The following IQSEC1 variants were observed in gnomAD, a reference collection of about 807,000 sequenced individuals.
IQSEC1 encodes IQ motif and SEC7 domain-containing protein 1.
In IQSEC1, 31 loss-of-function variants were observed where a neutral mutation model predicts 91.0. That is an observed-to-expected ratio of 0.34 (90% confidence interval 0.26 to 0.46). The LOEUF is 0.46. Ranked by LOEUF, IQSEC1 falls within the 20% of genes least tolerant of loss-of-function variation. IQSEC1 has a pLI of 1.00. For missense variants in IQSEC1, 1,388 were observed against 1,575.6 expected (o/e 0.88, Z 2.02); for synonymous variants, 699 against 662.6 (o/e 1.05, Z -0.84).
intron 1 of IQSEC1, among the ~76,000 whole-genome samples, chr3:13,262,116 A>C (rs67087472): frequency 0.095 from 14,435 of 152,164 alleles, 1,475 homozygotes; most frequent in African/African-American, 0.26. Flanking sequence ...CTGGATGCTC[A>C]AGAGTCATGA....
intron 1 of IQSEC1, among the ~76,000 whole-genome samples, chr3:13,054,810 G>A (rs1213781118): frequency 1.3e-5 from 2 of 152,222 alleles, no homozygotes; most frequent in Non-Finnish European, 2.9e-5. Flanking sequence ...CAGGAGCCAC[G>A]GCAGGGCACT....
intron 1 of IQSEC1, among the ~76,000 whole-genome samples, chr3:13,166,772 G>T (rs1693505337): frequency 6.6e-6 from 1 of 152,200 alleles, no homozygotes; most frequent in African/African-American, 2.4e-5. Context: ...GCCCAGCTTG[G>T]GGCCTGGCAC....
intron 1 of IQSEC1, among the ~76,000 whole-genome samples, chr3:13,058,765 T>C (rs1385769407): frequency 1.3e-5 from 2 of 152,126 alleles, no homozygotes; most frequent in African/African-American, 4.8e-5. Context: ...TGTGGGGGCT[T>C]CTATTTTAGG....
chr3:13,148,573 G>A (rs1020318958), intron 2 of IQSEC1, among the ~76,000 whole-genome samples: 14 of 152,238 alleles, frequency 9.2e-5, no homozygotes, highest in Non-Finnish European at 2.1e-4. Flanking sequence ...TTTTTGGTAT[G>A]AAATGGGATT....
chr3:13,007,531 C>T lies in IQSEC1; in HGVS notation c.23+65461G>A, dbSNP rs149324680. Among the ~76,000 whole-genome samples, 12 of 152,322 alleles carry T rather than the reference C, an allele frequency of 7.9e-5. No individual in the cohort carries two copies. The East Asian group carries it at 1.9e-3, about 24-fold the overall frequency. On this transcript the variant is annotated intron_variant, in intron 1 of 13. Coordinates refer to ENST00000613206, the MANE Select transcript of IQSEC1 (RefSeq NM_001134382.3). ...CTTTCTGGCTGGCAAGGAACTTGCG[C>T]GAGTCACTTGGCTTGCCTCAGTTTC...
At chr3:13,022,726 AG>A (rs1209988574) in intron 1 of IQSEC1, 2 of 152,626 alleles carry the variant, frequency 1.3e-5, no homozygotes, top group East Asian at 1.9e-4. Context: ...GGGTGGAGGA[AG>A]GGGCTGCTCT....
intron 1 of IQSEC1, among the ~76,000 whole-genome samples, chr3:13,178,901 A>G (rs1000209475): frequency 3.9e-5 from 6 of 152,170 alleles, no homozygotes; most frequent in African/African-American, 7.2e-5. Flanking sequence ...GTTTTATCTG[A>G]ATTCCTTCCT....
intron 6 of IQSEC1, among the ~76,000 whole-genome samples, chr3:12,919,136 C>T (rs558568407): frequency 7.9e-4 from 121 of 152,300 alleles, no homozygotes; most frequent in Admixed American, 1.8e-3. Flanking sequence ...TGCTTGGACA[C>T]CTGGGCCTGG....
chr3:13,241,968 T>A (rs889913518), intron 1 of IQSEC1, among the ~76,000 whole-genome samples: 1 of 152,196 alleles, frequency 6.6e-6, no homozygotes, highest in African/African-American at 2.4e-5. Flanking sequence ...CACTTAGAAA[T>A]GGCTAAGATG....
intron 1 of IQSEC1, among the ~76,000 whole-genome samples, chr3:13,071,170 T>G (rs1705412986): frequency 1.4e-5 from 2 of 147,418 alleles, no homozygotes; most frequent in African/African-American, 5.0e-5. Flanking sequence ...TTTTTTTGTT[T>G]GTTTCTTTAA....
At chr3:13,023,899 C>T (rs1269713668) in intron 1 of IQSEC1, among the ~76,000 whole-genome samples, 1 of 152,170 alleles carries the variant, frequency 6.6e-6, no homozygotes, top group Non-Finnish European at 1.5e-5. Context: ...GCGGGAGTGG[C>T]TGCCCAGCCT....
chr3:13,213,729 TG>T (rs944127844), intron 1 of IQSEC1, among the ~76,000 whole-genome samples: 2 of 152,026 alleles, frequency 1.3e-5, no homozygotes, highest in African/African-American at 4.8e-5. Context: ...CCAGTGTGAG[TG>T]GGTCCCAGGG....
Position 12,900,628 on chromosome 3 carries a change from T to G in IQSEC1, c.*355A>C. ...GTATCTCATTTCTTCGTTTTCTAGG[T>G]TGGGTTTTCATATGCATGTACATTA... On this transcript the variant is annotated 3_prime_UTR_variant, in exon 14 of 14. Coordinates refer to ENST00000613206, the MANE Select transcript of IQSEC1 (RefSeq NM_001134382.3). 3.7e-6 allele frequency: 4 copies of G among 1,088,026 alleles called. No homozygotes were observed. The highest frequency in any genetic ancestry group is 2.2e-6 in the Non-Finnish European group (2 of 893,986). 67.4% of individuals were successfully genotyped at this position (1,088,026 alleles called of 1,614,324 possible).
intron 1 of IQSEC1, among the ~76,000 whole-genome samples, chr3:13,201,062 A>G (rs1694235906): frequency 6.6e-6 from 1 of 152,188 alleles, no homozygotes; most frequent in Admixed American, 6.5e-5. Context: ...TTTTGGGGGC[A>G]CTGCCTGTGA....
chr3:13,009,586 C>T (rs183822221), intron 1 of IQSEC1, among the ~76,000 whole-genome samples: 2 of 151,582 alleles, frequency 1.3e-5, no homozygotes, highest in East Asian at 3.9e-4. Flanking sequence ...GGCTCAGGAC[C>T]CTCATCCCTC....
At chr3:13,233,858 C>T (rs1471749672) in intron 1 of IQSEC1, among the ~76,000 whole-genome samples, 2 of 152,210 alleles carry the variant, frequency 1.3e-5, no homozygotes, top group South Asian at 2.1e-4. Flanking sequence ...GGCACTTCCC[C>T]TCTCTGTGCC....
chr3:13,048,084 G>A (rs1400168372), intron 1 of IQSEC1, among the ~76,000 whole-genome samples: 1 of 152,170 alleles, frequency 6.6e-6, no homozygotes, highest in Non-Finnish European at 1.5e-5. Context: ...GTGTGGGCCT[G>A]GAGCCAGCCC....
intron 1 of IQSEC1, among the ~76,000 whole-genome samples, chr3:13,238,994 G>A (rs901808750): frequency 6.6e-6 from 1 of 152,166 alleles, no homozygotes; most frequent in Non-Finnish European, 1.5e-5. Context: ...GACTCGACAC[G>A]CCCACCAGCC....
chr3:12,934,350 A>G (rs1359545805), intron 3 of IQSEC1, among the ~76,000 whole-genome samples: 4 of 152,204 alleles, frequency 2.6e-5, no homozygotes, highest in South Asian at 2.1e-4. Context: ...CCTCTCTGAC[A>G]TCCCAAGATA....
Sources: allele counts gnomAD v4.1 joint callset (sites outside exome capture counted in the v4.1 genomes callset), GRCh38; gene constraint gnomAD v4.1.1; transcripts MANE v1.5; gene names NCBI Gene and HGNC (gene_info 2026-07-23, HGNC 2026-07-21).